Variants in EIF3H observed in about 807,000 individuals in gnomAD.
EIF3H encodes the protein eukaryotic translation initiation factor 3 subunit H.
EIF3H carries 26 observed loss-of-function variants against 44.2 expected under a neutral mutation model. The observed-to-expected ratio is 0.59, with a 90% CI of 0.43 to 0.82. The LOEUF is 0.82. Ranked by LOEUF, EIF3H falls within the 40% of genes least tolerant of loss-of-function variation. The pLI is 0.00. For synonymous variants in EIF3H, 166 were observed against 151.9 expected (o/e 1.09, Z -0.68); for missense variants, 359 against 432.8 (o/e 0.83, Z 1.51).
At chr8:116,648,989 A>G (rs1357025406) in intron 5 of EIF3H, 63 bp from the exon 6 acceptor site, 6 of 1,461,124 alleles carry the variant, frequency 4.1e-6, no homozygotes, top group Non-Finnish European at 4.7e-6. Context: ...CTACTGCTCT[A>G]AACAGTTTTA....
chr8:116,745,623 G>A (rs1815219343), intron 1 of EIF3H, among the ~76,000 whole-genome samples: 1 of 152,118 alleles, frequency 6.6e-6, no homozygotes. Flanking sequence ...CCAAATCTTG[G>A]GAGGAACATA....
chr8:116,685,853 T>C (rs1814066904), intron 2 of EIF3H, among the ~76,000 whole-genome samples: 1 of 152,160 alleles, frequency 6.6e-6, no homozygotes, highest in Non-Finnish European at 1.5e-5. Context: ...CATGAAAGGT[T>C]CCCAAACAAG....
intron 1 of EIF3H, among the ~76,000 whole-genome samples, chr8:116,738,311 T>C (rs1815077151): frequency 6.6e-6 from 1 of 152,166 alleles, no homozygotes; most frequent in African/African-American, 2.4e-5. Flanking sequence ...TTCCTTTACA[T>C]TTGTAAAATA....
intron 2 of EIF3H, among the ~76,000 whole-genome samples, chr8:116,702,905 C>T (rs7837313): frequency 0.94 from 142,587 of 152,112 alleles, 66,993 homozygotes; most frequent in African/African-American, 0.98. Flanking sequence ...TGGCAGTGAT[C>T]TTGGAATAAA....
chr8:116,665,438 T>C (rs1181085837), intron 2 of EIF3H, among the ~76,000 whole-genome samples: 1 of 152,196 alleles, frequency 6.6e-6, no homozygotes, highest in African/African-American at 2.4e-5. Context: ...AAAGATGACC[T>C]ATACAGGTAT....
At chr8:116,673,694 G>T (rs1813794293) in intron 2 of EIF3H, among the ~76,000 whole-genome samples, 2 of 152,294 alleles carry the variant, frequency 1.3e-5, no homozygotes, top group South Asian at 4.1e-4. Context: ...ATTCATGCAA[G>T]CATCTTTCTC....
exon 1 of EIF3H, chr8:116,765,569 A>G (rs529555990): frequency 6.6e-6 from 1 of 152,338 alleles, no homozygotes; most frequent in Admixed American, 6.5e-5. Flanking sequence ...TTTCTGATTC[A>G]TTCTCCTCAT....
At chr8:116,686,384 A>G (rs1814078198) in intron 2 of EIF3H, among the ~76,000 whole-genome samples, 1 of 152,144 alleles carries the variant, frequency 6.6e-6, no homozygotes, top group South Asian at 2.1e-4. Flanking sequence ...TATCAGAAAG[A>G]ATAATACAAT....
At chr8:116,753,589 A>C (rs1267285837) in intron 1 of EIF3H, among the ~76,000 whole-genome samples, 2 of 152,180 alleles carry the variant, frequency 1.3e-5, no homozygotes, top group East Asian at 3.9e-4. Context: ...ATTCTGAGAG[A>C]GCTGATAAAA....
Position 116,735,349 on chromosome 8 carries a change from A to G in EIF3H, c.133-9177T>C, listed in dbSNP as rs371815389. ...AAAATTGCTAGTGCGAAAGCAGAAA[A>G]CAGTAACTACAGTATCTTATAAGCT... On this transcript the variant is annotated intron_variant, in intron 1 of 7. Transcript: ENST00000521861. 5.9e-5 allele frequency among the ~76,000 whole-genome samples: 9 copies of G among 152,368 alleles called. No individual in the cohort carries two copies. The South Asian group carries it at 1.7e-3, about 28-fold the overall frequency.
intron 1 of EIF3H, chr8:116,737,296 GAAA>G (rs11284390): frequency 1.0e-5 from 4 of 396,468 alleles, no homozygotes; most frequent in African/African-American, 4.3e-5. Flanking sequence ...CCCTGGGGAA[GAAA>G]AAAAAAAGAC....
intron 1 of EIF3H, among the ~76,000 whole-genome samples, chr8:116,741,719 T>C (rs1815136636): frequency 6.6e-6 from 1 of 152,230 alleles, no homozygotes; most frequent in Non-Finnish European, 1.5e-5. Flanking sequence ...AGATTTTTAT[T>C]CTCAAAGAAA....
In EIF3H at chr8:116,644,934, A is replaced by G. The variant is rs1248843970; in HGVS notation, c.*72T>C. On this transcript the variant is annotated 3_prime_UTR_variant, in exon 8 of 8. Coordinates refer to ENST00000521861, the MANE Select transcript of EIF3H (RefSeq NM_003756.3). ...TCTGTGCTTTTCAATATGCAAATAT[A>G]TTTCTTCCAAGAGTTGCCCTGGTGT... is the stretch of plus-strand genomic sequence containing the variant. 3 of 1,210,448 alleles carry G rather than the reference A, an allele frequency of 2.5e-6. No individual in the cohort carries two copies. Among genetic ancestry groups the G allele is most frequent in the African/African-American group, 3.0e-5 (2 of 66,412 alleles). The allele number at this position is 1,210,448 out of a possible 1,614,324, so 75.0% of individuals were successfully genotyped here.
At chr8:116,737,112 AT>A (rs1019755050) in intron 1 of EIF3H, 3 of 207,812 alleles carry the variant, frequency 1.4e-5, no homozygotes, top group Middle Eastern at 5.0e-4. Flanking sequence ...AAAAGACATG[AT>A]TTTTTTAAAA....
intron 1 of EIF3H, among the ~76,000 whole-genome samples, chr8:116,734,917 T>C (rs1179706051): frequency 2.6e-5 from 4 of 152,360 alleles, no homozygotes; most frequent in East Asian, 3.9e-4. Flanking sequence ...ATTTCATTTA[T>C]TTTTTGTTAA....
At chr8:116,673,257 T>C (rs1018002271) in intron 2 of EIF3H, among the ~76,000 whole-genome samples, 2 of 152,070 alleles carry the variant, frequency 1.3e-5, no homozygotes, top group Non-Finnish European at 2.9e-5. Flanking sequence ...ATAAACAAAA[T>C]AGAGACTCCA....
At chr8:116,686,621 G>A (rs1292784411) in intron 2 of EIF3H, among the ~76,000 whole-genome samples, 1 of 148,750 alleles carries the variant, frequency 6.7e-6, no homozygotes, top group Non-Finnish European at 1.5e-5. Flanking sequence ...TTCAGAGTAT[G>A]TTTAAAAAAA....
At chr8:116,665,710 G>A (rs767807059) in intron 2 of EIF3H, among the ~76,000 whole-genome samples, 10 of 152,162 alleles carry the variant, frequency 6.6e-5, no homozygotes, top group Non-Finnish European at 1.3e-4. Flanking sequence ...TGCAACATGG[G>A]ACACCAGTGA....
rs556446768 is a variant in EIF3H at position 116,664,228 on chromosome 8, CTA to C, written c.290-5250_290-5249del. Among the ~76,000 whole-genome samples the C allele has an allele frequency of 3.4e-3, 519 of 152,300 alleles. 2 individuals carry two copies. Among genetic ancestry groups the C allele is most frequent in the Middle Eastern group, 6.8e-3 (2 of 294 alleles). ...TGCAAAACAGTCCATTTTAAAGCAC[CTA>C]GAGCTAAATCTGTCTTCACTGAGGT... is the stretch of plus-strand genomic sequence containing the variant. On this transcript the variant is annotated intron_variant, in intron 2 of 7. Transcript: ENST00000521861.
Sources: gnomAD v4.1 joint callset for allele counts (sites outside exome capture counted in the v4.1 genomes callset) on GRCh38, gnomAD v4.1.1 for gene constraint, MANE v1.5 for transcripts, NCBI Gene and HGNC (gene_info 2026-07-23, HGNC 2026-07-21) for gene names.